The following HEXB variants were observed in gnomAD, a reference collection of about 807,000 sequenced individuals.
The protein encoded by HEXB is hexosaminidase subunit beta.
HEXB carries 51 observed loss-of-function variants against 71.2 expected under a neutral mutation model. That is an observed-to-expected ratio of 0.72 (90% CI 0.57 to 0.90). HEXB has a LOEUF of 0.90. HEXB is among the 40% of genes least tolerant of loss of function. The pLI, the probability that HEXB is intolerant of heterozygous loss-of-function variation, is 0.00. For synonymous variants in HEXB, 266 were observed against 249.3 expected, an observed-to-expected ratio of 1.07 and a Z score of -0.63; for missense variants, 617 against 677.0, an observed-to-expected ratio of 0.91 and a Z score of 0.98.
upstream of HEXB, among the ~76,000 whole-genome samples, chr5:74,680,416 A>C (rs928771324): frequency 2.6e-5 from 4 of 152,178 alleles, no homozygotes; most frequent in Admixed American, 1.3e-4. Flanking sequence ...CATTTAGTTC[A>C]CAGGTCTTCA....
chr5:74,670,695 C>G (rs532298521), intron 1 of HEXB, among the ~76,000 whole-genome samples: 12 of 152,338 alleles, frequency 7.9e-5, no homozygotes, highest in Admixed American at 6.5e-4. Flanking sequence ...CTCTGTAACA[C>G]CCCCTCTGGG....
In HEXB at chr5:74,713,586, A is replaced by G; in HGVS notation, c.852A>G (p.Arg284=). 6.2e-7 allele frequency: 1 copy of G among 1,613,444 alleles called. No homozygotes were observed. Among genetic ancestry groups the G allele is most frequent in the Non-Finnish European group, 8.5e-7 (1 of 1,179,372 alleles). Residue 284 remains arginine (R), a synonymous_variant, in exon 7 of 14, where the codon CGA becomes CGG. Transcript: ENST00000261416. The stretch of plus-strand genomic sequence containing the variant: ...AATATGCCAGATTACGAGGAATTCG[A>G]GTCCTGCCAGAATTTGATACCCCTG... ...VIEYARLRGI[R]VLPEFDTPGH... is the part of the protein sequence containing the mutation.
At chr5:74,685,682 G>A (rs1391062066) in intron 1 of HEXB, 123 bp downstream of exon 1, 3 of 843,628 alleles carry the variant, frequency 3.6e-6, no homozygotes, top group African/African-American at 1.8e-5. Flanking sequence ...GAGCTGGCAG[G>A]CGATCTGCCC....
intron 6 of HEXB, among the ~76,000 whole-genome samples, chr5:74,709,661 C>G (rs1409907573): frequency 6.6e-6 from 1 of 152,152 alleles, no homozygotes; most frequent in African/African-American, 2.4e-5. Flanking sequence ...CTACAAACAC[C>G]TCTATGCAAA....
At chr5:74,653,437 AAAC>A (rs1310846659) in intron 1 of HEXB, among the ~76,000 whole-genome samples, 1 of 152,212 alleles carries the variant, frequency 6.6e-6, no homozygotes, top group East Asian at 1.9e-4. Flanking sequence ...CTCCCACCTG[AAAC>A]AACAGAAGCC....
rs1304336374 is a variant in HEXB at position 74,650,777 on chromosome 5, T to A, written c.-377+10219T>A. Among the ~76,000 whole-genome samples, 6 of 132,694 alleles carry A rather than the reference T, an allele frequency of 4.5e-5. No homozygotes were observed. The East Asian group carries it at 1.2e-3, about 26-fold the overall frequency. The allele number at this position is 132,694 out of a possible 152,430, so 87.1% of individuals were successfully genotyped here. On this transcript the variant is annotated intron_variant, in intron 1 of 13. Coordinates refer to the HEXB transcript ENST00000511181. ...TCTACTAAAAATACAAAAAAAAAAA[T>A]TAGCTGGGCGTGGTGGTGGGCACCT...
At chr5:74,673,172 G>A (rs1356016298) in intron 1 of HEXB, among the ~76,000 whole-genome samples, 2 of 152,196 alleles carry the variant, frequency 1.3e-5, no homozygotes, top group African/African-American at 2.4e-5. Context: ...AGTTGTTTTT[G>A]TGGCTAATTT....
At chr5:74,716,032 AAAAAAAAAAT>A (rs1394500678) in intron 8 of HEXB, among the ~76,000 whole-genome samples, 4 of 145,738 alleles carry the variant, frequency 2.7e-5, no homozygotes, top group Non-Finnish European at 4.4e-5. Context: ...AAAAAAAAAA[AAAAAAAAAAT>A]GGAATAAAAA....
At chr5:74,683,302 CT>C (rs113766699), upstream of HEXB, among the ~76,000 whole-genome samples, 399 of 148,370 alleles carry the variant, frequency 2.7e-3, 3 homozygotes, top group Admixed American at 0.011. Context: ...CTAGTTTCTT[CT>C]TTTTTTTTTT....
upstream of HEXB, among the ~76,000 whole-genome samples, chr5:74,682,866 TAACA>T (rs1384326132): frequency 1.3e-5 from 2 of 152,178 alleles, no homozygotes; most frequent in Non-Finnish European, 2.9e-5. Context: ...GACACTCTTA[TAACA>T]AAAGAGCAGA....
chr5:74,691,225 A>ATG (rs1286873248), intron 2 of HEXB, among the ~76,000 whole-genome samples: 1 of 152,226 alleles, frequency 6.6e-6, no homozygotes, highest in African/African-American at 2.4e-5. Context: ...GGAAATAACA[A>ATG]GATATCAAAT....
At chr5:74,711,924 T>A (rs904865627) in intron 6 of HEXB, among the ~76,000 whole-genome samples, 1 of 150,052 alleles carries the variant, frequency 6.7e-6, no homozygotes, top group Non-Finnish European at 1.5e-5. Flanking sequence ...AGCCATCCCA[T>A]TACTGGGTAT....
intron 1 of HEXB, among the ~76,000 whole-genome samples, chr5:74,670,584 G>A (rs760400451): frequency 2.1e-4 from 32 of 152,180 alleles, no homozygotes; most frequent in Middle Eastern, 3.2e-3. Context: ...GGCCAAGCCA[G>A]CCCCCAGAGC....
At chr5:74,640,616 C>T (rs980265218) in intron 1 of HEXB, 3 of 152,342 alleles carry the variant, frequency 2.0e-5, no homozygotes, top group Admixed American at 6.5e-5. Flanking sequence ...GCTGTGCGCT[C>T]GGGGGAGGGA....
intron 6 of HEXB, among the ~76,000 whole-genome samples, chr5:74,708,379 C>T (rs1349351851): frequency 6.6e-6 from 1 of 150,390 alleles, no homozygotes; most frequent in Non-Finnish European, 1.5e-5. Flanking sequence ...GAAACTGCAT[C>T]AACTAACAAG....
chr5:74,646,861 C>T (rs2112068327), intron 1 of HEXB, among the ~76,000 whole-genome samples: 1 of 152,242 alleles, frequency 6.6e-6, no homozygotes, highest in South Asian at 2.1e-4. Context: ...GCCACCACGC[C>T]CGGCAACAAT....
Position 74,652,464 on chromosome 5 carries a change from C to T in HEXB, c.-377+11906C>T, listed in dbSNP as rs1421801515. On this transcript the variant is annotated intron_variant, in intron 1 of 13. Transcript: ENST00000511181. This position sits in a 1 kb window ranked among gnomAD's most constrained non-coding sequence, Gnocchi z 5.4. ...CAATGGTACGAAAATTGCAGCCGCT[C>T]CCATGTGTTGGGATGTTTTGCAAAA... 6.6e-6 allele frequency among the ~76,000 whole-genome samples: 1 copy of T among 152,204 alleles called. No homozygotes were observed. The highest frequency in any genetic ancestry group is 1.5e-5 in the Non-Finnish European group (1 of 68,040).
intron 2 of HEXB, 183 bp downstream of exon 2, chr5:74,689,656 A>C: frequency 1.6e-6 from 1 of 632,838 alleles, no homozygotes; most frequent in Non-Finnish European, 2.8e-6. Context: ...TGGAAAATTT[A>C]TTAAGTACAG....
intron 1 of HEXB, among the ~76,000 whole-genome samples, chr5:74,665,099 G>A (rs1381616590): frequency 6.6e-6 from 1 of 152,156 alleles, no homozygotes; most frequent in African/African-American, 2.4e-5. Context: ...TAGTGAAAAT[G>A]TCTGAAAATT....
Sources: gnomAD v4.1 joint callset for allele counts (sites outside exome capture counted in the v4.1 genomes callset) on GRCh38, gnomAD v4.1.1 for gene constraint, Gnocchi (gnomAD v3.1) non-coding constraint, MANE v1.5 for transcripts, NCBI Gene and HGNC (gene_info 2026-07-23, HGNC 2026-07-21) for gene names.